Variants in CDH23 observed in about 807,000 individuals in gnomAD.
CDH23 encodes cadherin related 23.
CDH23 carries 189 observed loss-of-function variants against 317.1 expected under a neutral mutation model. The observed-to-expected ratio is 0.60, with a 90% CI of 0.53 to 0.67. The LOEUF (loss-of-function observed/expected upper bound fraction) is 0.67, where lower values mean the gene tolerates loss of function less well. CDH23 is among the 30% of genes least tolerant of loss of function. The pLI is 0.00. For missense variants in CDH23, 4,401 were observed against 4,592.4 expected (o/e 0.96, Z 1.20); for synonymous variants, 1,839 against 1,876.8 (o/e 0.98, Z 0.52).
intron 52 of CDH23, among the ~76,000 whole-genome samples, chr10:71,800,073 A>G (rs1841515211): frequency 6.6e-6 from 1 of 152,262 alleles, no homozygotes; most frequent in South Asian, 2.1e-4. Flanking sequence ...CCTCCCACAC[A>G]TTTCCTTGAA....
In CDH23 at chr10:71,646,593, G is replaced by C; in HGVS notation, c.1425G>C (p.Val475=). The C allele has an allele frequency of 2.5e-6, 4 of 1,613,990 alleles. No homozygotes were observed. Among genetic ancestry groups the C allele is most frequent in the Non-Finnish European group, 3.4e-6 (4 of 1,179,892 alleles). The change falls in exon 14 of 70, where the codon GTG becomes GTC. Residue 475 remains valine (V), a synonymous_variant. Transcript: ENST00000224721. ...TCAGCCTGTACGAGAACGTCACCGT[G>C]GGGACCTCTGTGCTGACAGTCCTGG... The part of the protein sequence containing the change: ...YNISLYENVT[V]GTSVLTVLAT...
rs1306728898 is a variant in CDH23, at chr10:71,793,247, C to G, written c.6319C>G (p.Arg2107Gly). ...DSGLNGELVY[R>G]IEAGAQDRFL... Reference sequence around the variant, plus strand: ...TGGCCTCAATGGGGAGCTGGTCTACCGAATAGAAGCTGGGGCTCAGGACCG... The same window carrying G: ...TGGCCTCAATGGGGAGCTGGTCTACGGAATAGAAGCTGGGGCTCAGGACCG... Residue 2107 changes from arginine to glycine, a missense_variant, in exon 48 of 70, where the codon CGA becomes GGA. Arg to Gly is a moderately radical substitution (Grantham distance 125). This residue lies in a region of CDH23 where 3,068 missense variants were observed against 3,203.3 expected (regional missense o/e 0.96). Transcript: ENST00000224721. 1.9e-6 allele frequency: 3 copies of G among 1,613,816 alleles called. No homozygotes were observed. The highest frequency in any genetic ancestry group is 2.5e-6 in the Non-Finnish European group (3 of 1,179,864).
chr10:71,793,664 AC>A, intron 48 of CDH23, 24 bp downstream of exon 48: 1 of 1,485,140 alleles, frequency 6.7e-7, no homozygotes, highest in Non-Finnish European at 9.0e-7. Context: ...CACCCCTCCC[AC>A]CTCCCTCCCA....
intron 11 of CDH23, among the ~76,000 whole-genome samples, chr10:71,630,874 C>G (rs1480411994): frequency 6.6e-6 from 1 of 152,212 alleles, no homozygotes; most frequent in African/African-American, 2.4e-5. Flanking sequence ...TCAGGAGCCT[C>G]TAGAACCCCA....
At chr10:71,514,803 A>G (rs1443536601) in intron 6 of CDH23, among the ~76,000 whole-genome samples, 3 of 152,236 alleles carry the variant, frequency 2.0e-5, no homozygotes, top group African/African-American at 7.2e-5. Context: ...TAATTCACCA[A>G]GCCAGCCTCG....
In CDH23 at chr10:71,785,779, G is replaced by C. The variant is rs764629565; in HGVS notation, c.5820+41G>C. On this transcript the variant is annotated intron_variant, in intron 44 of 69. Coordinates refer to ENST00000224721, the MANE Select transcript of CDH23 (RefSeq NM_022124.6). ...ACTGGTGGGAGTGGGCTGGGAGCTA[G>C]AGGCGCATGGAGAGAGAACACATCA... 5 of 1,216,194 alleles carry C rather than the reference G, an allele frequency of 4.1e-6. No individual in the cohort carries two copies. The African/African-American group carries it at 6.0e-5, about 15-fold the overall frequency. The allele number at this position is 1,216,194 out of a possible 1,614,324, so 75.3% of individuals were successfully genotyped here. A position where few individuals can be genotyped will look rare whatever the true frequency, so the allele number is the denominator to read the frequency against.
chr10:71,690,428 G>T, intron 19 of CDH23, 40 bp from the exon 20 acceptor site: 2 of 1,485,030 alleles, frequency 1.3e-6, no homozygotes, highest in South Asian at 1.2e-5. Context: ...GGGGCCCAGG[G>T]TGAGCAGCAC....
intron 38 of CDH23, among the ~76,000 whole-genome samples, chr10:71,766,112 G>C (rs1430500492): frequency 6.6e-6 from 1 of 152,226 alleles, no homozygotes; most frequent in Non-Finnish European, 1.5e-5. Context: ...GTGTTGTCAG[G>C]GAAGCTGTGC....
rs539317813 is a variant in CDH23 at position 71,509,541 on chromosome 10, A to C, written c.146-541A>C. Among the ~76,000 whole-genome samples, 39 of 152,278 alleles carry C rather than the reference A, an allele frequency of 2.6e-4. 1 individual carries two copies. The highest frequency in any genetic ancestry group is 8.4e-4 in the African/African-American group (35 of 41,548). On this transcript the variant is annotated intron_variant, in intron 3 of 69. Coordinates refer to ENST00000224721, the MANE Select transcript of CDH23 (RefSeq NM_022124.6). ...TGTGGTGCCAAAGATGGCTGCCCGC[A>C]GTGCCAATGAGCAACTCCCATGAAA...
At chr10:71,723,913 G>A in intron 28 of CDH23, 132 bp from the exon 29 acceptor site, 1 of 986,120 alleles carries the variant, frequency 1.0e-6, no homozygotes, top group East Asian at 2.6e-5. Context: ...CACACCCCCA[G>A]CCTCTGAGGG....
In CDH23 at chr10:71,515,400, A is replaced by T. The variant is rs973389575; in HGVS notation, c.429+4188A>T. ...CTCTCTCTCTCTCTCTCTCTCACAC[A>T]CACACACACACACACACACGCACAC... On this transcript the variant is annotated intron_variant, in intron 6 of 69. Coordinates refer to ENST00000224721, the MANE Select transcript of CDH23 (RefSeq NM_022124.6). 2.3e-3 allele frequency among the ~76,000 whole-genome samples: 314 copies of T among 137,840 alleles called. 1 individual carries two copies. The highest frequency in any genetic ancestry group is 5.1e-3 in the African/African-American group (152 of 29,740). 90.4% of individuals were successfully genotyped at this position (137,840 alleles called of 152,430 possible).
chr10:71,748,675 GC>G (rs1467057589), intron 38 of CDH23: 1 of 152,658 alleles, frequency 6.6e-6, no homozygotes, highest in Non-Finnish European at 1.5e-5. Flanking sequence ...GGAGCCTCCT[GC>G]CCCAGCCCCT....
intron 3 of CDH23, among the ~76,000 whole-genome samples, chr10:71,461,935 C>A (rs557919763): frequency 1.1e-4 from 14 of 125,194 alleles, no homozygotes; most frequent in Non-Finnish European, 1.8e-4. Context: ...GGACCGCTGC[C>A]CTGGCCATGC....
intron 6 of CDH23, among the ~76,000 whole-genome samples, chr10:71,538,495 G>A (rs1447427543): frequency 6.6e-6 from 1 of 152,122 alleles, no homozygotes; most frequent in Non-Finnish European, 1.5e-5. Context: ...TGGAGCCATT[G>A]GCCCGCCCCA....
At chr10:71,427,816 G>A (rs141940242) in intron 1 of CDH23, among the ~76,000 whole-genome samples, 1,819 of 150,332 alleles carry the variant, frequency 0.012, 75 homozygotes, top group East Asian at 0.11. Context: ...GGGTTAAAGC[G>A]ATTCTCCTGC....
intron 1 of CDH23, among the ~76,000 whole-genome samples, chr10:71,411,152 C>T (rs933165063): frequency 6.6e-6 from 1 of 152,110 alleles, no homozygotes; most frequent in Non-Finnish European, 1.5e-5. Flanking sequence ...GAATTGGCTT[C>T]TGAAATTCCA....
At chr10:71,801,115 A>G (rs1841545360) in intron 53 of CDH23, among the ~76,000 whole-genome samples, 1 of 149,180 alleles carries the variant, frequency 6.7e-6, no homozygotes, top group Non-Finnish European at 1.5e-5. Context: ...AAACATAATT[A>G]TAAAGGAATC....
At chr10:71,643,032 C>G (rs916748106) in intron 11 of CDH23, among the ~76,000 whole-genome samples, 3 of 152,186 alleles carry the variant, frequency 2.0e-5, no homozygotes, top group Admixed American at 2.0e-4. Context: ...TTGGTACTTA[C>G]AAAGTGTTTA....
Position 71,523,960 on chromosome 10 carries a change from C to T in CDH23, c.429+12748C>T, listed in dbSNP as rs140706838. Among the ~76,000 whole-genome samples the T allele has an allele frequency of 1.9e-3, 283 of 152,316 alleles. 4 individuals are homozygous for T. The Middle Eastern group carries it at 0.031, about 16-fold the overall frequency. ...GGCACTAGGCCACAGGGCCTTTGCACGGCCTTTCTACTTCCCTGGAACACA... is the reference window on the plus strand; with the variant it reads ...GGCACTAGGCCACAGGGCCTTTGCATGGCCTTTCTACTTCCCTGGAACACA... On this transcript the variant is annotated intron_variant, in intron 6 of 69. Coordinates refer to ENST00000224721, the MANE Select transcript of CDH23 (RefSeq NM_022124.6).
Sources: gnomAD v4.1 joint callset for allele counts (sites outside exome capture counted in the v4.1 genomes callset) on GRCh38, gnomAD v4.1.1 for gene constraint, gnomAD v4.1.1 regional missense constraint, MANE v1.5 for transcripts, NCBI Gene and HGNC (gene_info 2026-07-23, HGNC 2026-07-21) for gene names.